The following C13orf46 variants were observed in gnomAD, a reference collection of about 807,000 sequenced individuals.
C13orf46 encodes uncharacterized protein C13orf46.
the C13orf46 span, among the ~76,000 whole-genome samples, chr13:113,936,129 C>T: frequency 6.6e-6 from 1 of 152,192 alleles, no homozygotes; most frequent in South Asian, 2.1e-4. Flanking sequence ...GCCGGAGAAA[C>T]TCAGGAGTCA....
the C13orf46 span, chr13:113,927,290 T>G: frequency 2.7e-6 from 1 of 365,376 alleles, no homozygotes; most frequent in African/African-American, 2.1e-5. Context: ...GGGACCTTCA[T>G]ATGTGGGACA....
the C13orf46 span, among the ~76,000 whole-genome samples, chr13:113,938,632 C>A: frequency 2.9e-3 from 445 of 152,308 alleles, 3 homozygotes; most frequent in African/African-American, 0.01. Flanking sequence ...TGCAAGGTTG[C>A]CCTGTTCAAG....
At chr13:113,946,475 G>C in the C13orf46 span, among the ~76,000 whole-genome samples, 1 of 152,228 alleles carries the variant, frequency 6.6e-6, no homozygotes, top group African/African-American at 2.4e-5. Context: ...CAATGCTGGC[G>C]CAGGAGGACC....
the C13orf46 span, among the ~76,000 whole-genome samples, chr13:113,930,395 CCGAG>C: frequency 1.3e-5 from 2 of 150,990 alleles, no homozygotes; most frequent in Non-Finnish European, 1.5e-5. Flanking sequence ...CGCAGGAGCA[CCGAG>C]GCGGGGGCGC....
At chr13:113,945,687 C>CCAT in the C13orf46 span, among the ~76,000 whole-genome samples, 1 of 145,170 alleles carries the variant, frequency 6.9e-6, no homozygotes, top group South Asian at 2.2e-4. Context: ...GAAAAACAAA[C>CCAT]CAAGTCTTCA....
Position 113,955,129 on chromosome 13 carries a change from C to A in C13orf46, c.*1644G>T, listed in dbSNP as rs899361406. On this transcript the variant is annotated 3_prime_UTR_variant, in exon 7 of 7. Coordinates refer to ENST00000636427, the MANE Select transcript of C13orf46 (RefSeq NM_001365455.2). ...GGAGAGGAGCAGCAGCTGGTGGAGACGAGGAGCATCCGGTGGAGATGAGGA... is the reference window on the plus strand; with the variant it reads ...GGAGAGGAGCAGCAGCTGGTGGAGAAGAGGAGCATCCGGTGGAGATGAGGA... The A allele has an allele frequency of 5.1e-6, 1 of 194,638 alleles. No individual in the cohort carries two copies. The highest frequency in any genetic ancestry group is 3.0e-5 in the African/African-American group (1 of 33,868). The allele number at this position is 194,638 out of a possible 1,614,324, so 12.1% of individuals were successfully genotyped here.
chr13:113,950,633 C>G (rs988501080), downstream of C13orf46, among the ~76,000 whole-genome samples: 1 of 152,216 alleles, frequency 6.6e-6, no homozygotes, highest in Non-Finnish European at 1.5e-5. Flanking sequence ...CATTGCAACA[C>G]GGAGAGTTGA....
At chr13:113,945,624 GA>G in the C13orf46 span, among the ~76,000 whole-genome samples, 10 of 126,238 alleles carry the variant, frequency 7.9e-5, no homozygotes, top group African/African-American at 3.0e-5. Context: ...AAGAAAGAAA[GA>G]AAGAAAGAAA....
At chr13:113,935,931 G>C in the C13orf46 span, among the ~76,000 whole-genome samples, 1 of 152,244 alleles carries the variant, frequency 6.6e-6, no homozygotes, top group Non-Finnish European at 1.5e-5. Context: ...ATGTGAAATG[G>C]ACGCAGTCAC....
intron 1 of C13orf46, among the ~76,000 whole-genome samples, chr13:113,972,915 A>T (rs559219010): frequency 4.6e-5 from 7 of 152,046 alleles, no homozygotes; most frequent in African/African-American, 1.7e-4. Flanking sequence ...TGGAGCCCCC[A>T]CAGCTCCGCC....
chr13:113,950,453 C>G (rs1309279620), downstream of C13orf46, among the ~76,000 whole-genome samples: 4 of 152,222 alleles, frequency 2.6e-5, no homozygotes, highest in South Asian at 8.3e-4. Flanking sequence ...GTCCTCACCC[C>G]CTGCCTTGGG....
the C13orf46 span, among the ~76,000 whole-genome samples, chr13:113,942,998 C>T: frequency 6.6e-6 from 1 of 152,220 alleles, no homozygotes; most frequent in Admixed American, 6.5e-5. Context: ...TGAGCCCTGC[C>T]CTCAGGGAGC....
intron 6 of C13orf46, among the ~76,000 whole-genome samples, chr13:113,959,602 G>A (rs1194989610): frequency 6.6e-6 from 1 of 152,178 alleles, no homozygotes; most frequent in Admixed American, 6.5e-5. Context: ...ATGCAGAAAT[G>A]GTCAAAAATG....
At chr13:113,963,304 CCT>C (rs1411980052) in intron 6 of C13orf46, among the ~76,000 whole-genome samples, 6 of 122,924 alleles carry the variant, frequency 4.9e-5, no homozygotes, top group African/African-American at 8.4e-5. Flanking sequence ...CAGCTTCACC[CCT>C]GTCCTCAGCC....
chr13:113,942,242 A>G, the C13orf46 span, among the ~76,000 whole-genome samples: 1 of 152,232 alleles, frequency 6.6e-6, no homozygotes, highest in Non-Finnish European at 1.5e-5. Context: ...CCGGGTCAAC[A>G]CGCAGCCCGG....
chr13:113,938,936 C>T, the C13orf46 span, among the ~76,000 whole-genome samples: 1 of 152,086 alleles, frequency 6.6e-6, no homozygotes, highest in Non-Finnish European at 1.5e-5. Flanking sequence ...CCCTGCTGTG[C>T]ACACCACAGC....
intron 5 of C13orf46, among the ~76,000 whole-genome samples, chr13:113,966,480 G>A (rs1046426620): frequency 6.6e-6 from 1 of 150,868 alleles, no homozygotes; most frequent in African/African-American, 2.5e-5. Flanking sequence ...TTATAATGGT[G>A]ATGATGATGG....
chr13:113,940,645 G>A, the C13orf46 span, among the ~76,000 whole-genome samples: 32 of 14,068 alleles, frequency 2.3e-3, no homozygotes, highest in East Asian at 9.8e-3. Flanking sequence ...CTGGGACTCC[G>A]TGTGTGAGGC....
rs2052520680 is a variant in C13orf46 at position 113,955,547 on chromosome 13, CGTGGAGAGGAGGAG to C, written c.*1212_*1225del. The C allele has an allele frequency of 1.1e-4, 2 of 18,462 alleles. No homozygotes were observed. The highest frequency in any genetic ancestry group is 3.3e-4 in the Non-Finnish European group (2 of 6,140). The allele number at this position is 18,462 out of a possible 1,614,324, so 1.1% of individuals were successfully genotyped here. On this transcript the variant is annotated 3_prime_UTR_variant, in exon 7 of 7. Transcript: ENST00000636427. ...CATCTGGCGGAGACGAGGAGCATCT[CGTGGAGAGGAGGAG>C]CATCTCGTGGAGAGGAGGAGCATCT...
Sources: allele counts gnomAD v4.1 joint callset (sites outside exome capture counted in the v4.1 genomes callset), GRCh38; gene constraint gnomAD v4.1.1; transcripts MANE v1.5; gene names NCBI Gene and HGNC (gene_info 2026-07-23, HGNC 2026-07-21).